Variants in FAT1 observed in about 807,000 individuals in gnomAD.
FAT1 encodes protocadherin Fat 1.
Under a neutral mutation model 329.8 loss-of-function variants are expected in FAT1, and 171 were observed. That is an observed-to-expected ratio of 0.52 (90% CI 0.46 to 0.59). The LOEUF is 0.59. FAT1 is among the 20% of genes least tolerant of loss of function. The pLI is 0.00. For synonymous variants in FAT1, 2,233 were observed against 2,228.6 expected (o/e 1.00, Z -0.06); for missense variants, 5,672 against 5,774.4 (o/e 0.98, Z 0.57).
At chr4:186,685,779 C>T (rs1010039211) in intron 2 of FAT1, among the ~76,000 whole-genome samples, 2 of 152,214 alleles carry the variant, frequency 1.3e-5, no homozygotes, top group Admixed American at 1.3e-4. Flanking sequence ...ATTGCTCTCT[C>T]TACTAAAAAA....
Position 186,620,670 on chromosome 4 carries a change from GCTTT to G in FAT1, c.5912_5915del (p.Glu1971AlafsTer6). On this transcript the variant is annotated frameshift_variant, in exon 10 of 27. Transcript: ENST00000441802. LOFTEE classifies it high-confidence loss of function. ...GGGTAAACTTTAGGTGACTTTCTTTGCTTTCTTTCACATTAATTTTGACAGAGGT... is the reference window on the plus strand; with the variant it reads ...GGGTAAACTTTAGGTGACTTTCTTTGCTTTCACATTAATTTTGACAGAGGT... 6.2e-7 allele frequency: 1 copy of G among 1,613,946 alleles called. No homozygotes were observed. Among genetic ancestry groups the G allele is most frequent in the Non-Finnish European group, 8.5e-7 (1 of 1,179,882 alleles).
Position 186,621,136 on chromosome 4 carries a change from T to C in FAT1, c.5450A>G (p.His1817Arg), listed in dbSNP as rs895831075. ...GCTAGAATCAATAGCAAAATATGTG[T>C]GTACAGATGGTTCAACAATGTGATA... ...LVYHIVEPSV[H>R]TYFAIDSSTG... The change falls in exon 10 of 27, where the codon CAC becomes CGC. Residue 1817 changes from histidine (H) to arginine (R), a missense_variant. By Grantham distance (29) the His-to-Arg change is conservative. Coordinates refer to ENST00000441802, the MANE Select transcript of FAT1 (RefSeq NM_005245.4). The C allele has an allele frequency of 1.2e-6, 2 of 1,613,912 alleles. No individual in the cohort carries two copies. Among genetic ancestry groups the C allele is most frequent in the Non-Finnish European group, 8.5e-7 (1 of 1,179,898 alleles).
At chr4:186,720,279 C>T (rs1328442343) in intron 1 of FAT1, among the ~76,000 whole-genome samples, 3 of 144,484 alleles carry the variant, frequency 2.1e-5, no homozygotes, top group Non-Finnish European at 4.8e-5. Flanking sequence ...TTCAACGTTT[C>T]TTTCTTTTTC....
intron 2 of FAT1, among the ~76,000 whole-genome samples, chr4:186,701,397 T>G (rs1232084925): frequency 6.6e-6 from 1 of 152,312 alleles, no homozygotes; most frequent in East Asian, 1.9e-4. Flanking sequence ...CGAGCTTCTT[T>G]TCTCTTAAGC....
At chr4:186,632,446 C>G (rs1164608388) in intron 7 of FAT1, among the ~76,000 whole-genome samples, 1 of 152,088 alleles carries the variant, frequency 6.6e-6, no homozygotes, top group African/African-American at 2.4e-5. Flanking sequence ...TTTTTATTCT[C>G]ATTTTTGTGC....
At position 186,617,855 on chromosome 4, in the gene FAT1, C is replaced by T. The variant is rs1411663852; in HGVS notation, c.8731G>A (p.Val2911Ile). The T allele has an allele frequency of 1.2e-6, 2 of 1,613,854 alleles. No individual in the cohort carries two copies. The highest frequency in any genetic ancestry group is 2.2e-5 in the East Asian group (1 of 44,898). ...TAIVDVTVTD[V>I]NDSPPRFTAE... ...GTGAATCGTGGTGGACTATCGTTGA[C>T]ATCGGTGACGGTAACATCCACAATG... The change falls in exon 10 of 27, where the codon GTC (valine) becomes ATC (isoleucine). Residue 2911 changes from valine (V) to isoleucine (I), a missense_variant. By Grantham distance (29) the Val-to-Ile change is conservative. Around this residue, in one of 2 missense-constraint regions of FAT1, gnomAD observed 3,966 missense variants for 3,915.2 expected, o/e 1.01. Transcript: ENST00000441802.
Position 186,597,104 on chromosome 4 carries a change from G to T in FAT1, c.12436C>A (p.His4146Asn), listed in dbSNP as rs754398558. 6.2e-7 allele frequency: 1 copy of T among 1,613,966 alleles called. No homozygotes were observed. Among genetic ancestry groups the T allele is most frequent in the East Asian group, 2.2e-5 (1 of 44,860 alleles). ...CTGCAGTTGCAGTGATAGGAGCCGT[G>T]CGTGTTCTCACAGAGGGCCCCGTGC... ...CLHGALCENT[H>N]GSYHCNCSHE... is the part of the protein sequence containing the mutation. The change falls in exon 25 of 27, where the codon CAC becomes AAC. Residue 4146 changes from histidine to asparagine, a missense_variant. By Grantham distance (68) the His-to-Asn change is moderately conservative. Around this residue, in one of 2 missense-constraint regions of FAT1, gnomAD observed 1,706 missense variants for 1,859.1 expected, o/e 0.92. Transcript: ENST00000441802.
At chr4:186,717,201 C>T (rs547610468) in intron 1 of FAT1, among the ~76,000 whole-genome samples, 3 of 152,168 alleles carry the variant, frequency 2.0e-5, no homozygotes, top group African/African-American at 4.8e-5. Context: ...ATAGCCATGT[C>T]GGTACTTTTA....
intron 3 of FAT1, among the ~76,000 whole-genome samples, chr4:186,640,920 G>A (rs1741061858): frequency 6.6e-6 from 1 of 152,198 alleles, no homozygotes; most frequent in Non-Finnish European, 1.5e-5. Context: ...AGCCTGTGTG[G>A]CAGGACAATC....
At position 186,617,956 on chromosome 4, in the gene FAT1, T is replaced by C. The variant is rs1353903770; in HGVS notation, c.8630A>G (p.His2877Arg). 2 of 1,613,936 alleles carry C rather than the reference T, an allele frequency of 1.2e-6. No individual in the cohort carries two copies. Among genetic ancestry groups the C allele is most frequent in the African/African-American group, 1.3e-5 (1 of 74,942 alleles). Residue 2877 changes from histidine to arginine, a missense_variant, in exon 10 of 27, where the codon CAT becomes CGT. Physicochemically the swap from His to Arg is conservative, Grantham distance 29. Around this residue, in one of 2 missense-constraint regions of FAT1, gnomAD observed 3,966 missense variants for 3,915.2 expected, o/e 1.01. Coordinates refer to ENST00000441802, the MANE Select transcript of FAT1 (RefSeq NM_005245.4). ...GWITTLKELD[H>R]EKRDNYQIKV... ...AATCTGGTAATTGTCTCTCTTTTCA[T>C]GGTCAAGTTCCTTTAAAGTTGTAAT...
At chr4:186,701,178 T>C (rs1225024998) in intron 2 of FAT1, among the ~76,000 whole-genome samples, 1 of 152,208 alleles carries the variant, frequency 6.6e-6, no homozygotes, top group African/African-American at 2.4e-5. Flanking sequence ...AAAATGGAAC[T>C]TCCTTAGGAT....
At chr4:186,656,531 G>A (rs1046622961) in intron 3 of FAT1, among the ~76,000 whole-genome samples, 10 of 152,054 alleles carry the variant, frequency 6.6e-5, no homozygotes, top group African/African-American at 1.9e-4. Context: ...AATTTATGAG[G>A]TGTGCTACCC....
rs367767697 is a variant in FAT1, at chr4:186,628,743, G to A, written c.4344C>T (p.Asp1448=). The A allele has an allele frequency of 6.2e-7, 1 of 1,613,134 alleles. No homozygotes were observed. The highest frequency in any genetic ancestry group is 8.5e-7 in the Non-Finnish European group (1 of 1,179,722). The change falls in exon 8 of 27, where the codon GAC becomes GAT. Residue 1448 remains aspartate (D), a synonymous_variant. Transcript: ENST00000441802. ...AAAACTGAGGACGATGGTCATTTGT[G>A]TCTATTACTTTGATGAATACCTGTA... ...ILTQVFIKVI[D]TNDHRPQFST...
chr4:186,678,283 A>C (rs1743042285), intron 2 of FAT1, among the ~76,000 whole-genome samples: 1 of 152,088 alleles, frequency 6.6e-6, no homozygotes, highest in Non-Finnish European at 1.5e-5. Context: ...GGTGGTTACT[A>C]AAATATACGT....
intron 26 of FAT1, 92 bp downstream of exon 26, chr4:186,595,597 C>A: frequency 2.1e-6 from 3 of 1,413,792 alleles, no homozygotes; most frequent in South Asian, 1.3e-5. Flanking sequence ...TATGGTGAGG[C>A]TTTAAGGGTA....
chr4:186,591,349 A>G (rs950187463), intron 26 of FAT1, among the ~76,000 whole-genome samples: 1 of 152,388 alleles, frequency 6.6e-6, no homozygotes, highest in Non-Finnish European at 1.5e-5. Flanking sequence ...TCACTTCTAG[A>G]AATTTCAGTA....
intron 2 of FAT1, among the ~76,000 whole-genome samples, chr4:186,686,078 T>C (rs1314784681): frequency 1.3e-5 from 2 of 152,182 alleles, no homozygotes; most frequent in African/African-American, 4.8e-5. Context: ...AACCAACTGT[T>C]CCATTAAAAC....
chr4:186,656,794 T>C (rs145478581), intron 3 of FAT1, among the ~76,000 whole-genome samples: 1 of 152,186 alleles, frequency 6.6e-6, no homozygotes, highest in East Asian at 1.9e-4. Context: ...AGAAATTCAG[T>C]TTTTACTCCA....
At chr4:186,722,622 G>C (rs1745512592) in intron 1 of FAT1, among the ~76,000 whole-genome samples, 1 of 152,134 alleles carries the variant, frequency 6.6e-6, no homozygotes, top group African/African-American at 2.4e-5. Context: ...GTGTTGGACA[G>C]CATAACCAAA....
Sources: gnomAD v4.1 joint callset for allele counts (sites outside exome capture counted in the v4.1 genomes callset) on GRCh38, gnomAD v4.1.1 for gene constraint, gnomAD v4.1.1 regional missense constraint, MANE v1.5 for transcripts, NCBI Gene and HGNC (gene_info 2026-07-23, HGNC 2026-07-21) for gene names.